The following RASGRF1 variants were observed in gnomAD, a reference collection of about 807,000 sequenced individuals.
The protein encoded by RASGRF1 is ras-specific guanine nucleotide-releasing factor 1.
RASGRF1 carries 40 observed loss-of-function variants against 138.7 expected under a neutral mutation model. The observed-to-expected ratio is 0.29, with a 90% confidence interval of 0.22 to 0.38. The LOEUF is 0.38. Ranked by LOEUF, RASGRF1 falls within the 10% of genes least tolerant of loss-of-function variation. The pLI is 1.00. For missense variants in RASGRF1, 1,108 were observed against 1,650.4 expected, an observed-to-expected ratio of 0.67 and a Z score of 5.69; for synonymous variants, 614 against 663.2, an observed-to-expected ratio of 0.93 and a Z score of 1.14.
At chr15:79,005,730 C>T (rs2056656649) in intron 14 of RASGRF1, 2 of 557,246 alleles carry the variant, frequency 3.6e-6, no homozygotes, top group African/African-American at 2.1e-5. Flanking sequence ...TCCCTCCCTC[C>T]CTCCCTCCCT....
At chr15:78,982,802 G>A (rs906829290) in intron 23 of RASGRF1, among the ~76,000 whole-genome samples, 3 of 152,056 alleles carry the variant, frequency 2.0e-5, no homozygotes, top group African/African-American at 7.2e-5. Context: ...AAAGTACAGC[G>A]ATCCCCAGGA....
rs963892190 is a variant in RASGRF1 at position 78,965,807 on chromosome 15, C to T, written c.3682-3571G>A. On this transcript the variant is annotated intron_variant, in intron 26 of 26. Coordinates refer to ENST00000558480, the MANE Select transcript of RASGRF1 (RefSeq NM_001145648.3). The stretch of plus-strand genomic sequence containing the variant: ...CAGAAGTTGCAGTGAGCCGAGATCG[C>T]GCCACTGCACTCCAGGCTGGGTGAC... 7.9e-5 allele frequency among the ~76,000 whole-genome samples: 12 copies of T among 152,164 alleles called. No individual in the cohort carries two copies. The South Asian group carries it at 1.0e-3, about 13-fold the overall frequency.
chr15:78,966,361 T>G (rs1430707624), intron 26 of RASGRF1, among the ~76,000 whole-genome samples: 1 of 151,480 alleles, frequency 6.6e-6, no homozygotes, highest in Non-Finnish European at 1.5e-5. Flanking sequence ...CTTAGCCTCC[T>G]GAGTAGCTGG....
At chr15:78,993,896 C>T (rs1394205042) in intron 20 of RASGRF1, among the ~76,000 whole-genome samples, 1 of 152,176 alleles carries the variant, frequency 6.6e-6, no homozygotes, top group African/African-American at 2.4e-5. Context: ...AAGCAGAGAT[C>T]AAAACTGACA....
chr15:79,029,350 T>C (rs1006278926), intron 8 of RASGRF1, among the ~76,000 whole-genome samples: 1 of 152,168 alleles, frequency 6.6e-6, no homozygotes, highest in Admixed American at 6.5e-5. Flanking sequence ...ACCACTTCTC[T>C]TGATGAGGGT....
chr15:79,032,156 C>T lies in RASGRF1; in HGVS notation c.1119G>A (p.Thr373=), dbSNP rs140636764. ...YEAKPDCEER[T]LETFLTYPMF... ...TGGGGTAGGTGAGGAAGGTCTCCAG[C>T]GTCCTCTCCTCGCAGTCAGGCTTGG... The change falls in exon 7 of 27, where the codon ACG becomes ACA. Residue 373 remains threonine (T), a synonymous_variant. Coordinates refer to ENST00000558480, the MANE Select transcript of RASGRF1 (RefSeq NM_001145648.3). The surrounding 1 kb of genome is among the most constrained non-coding windows in gnomAD (Gnocchi z 4.5). 25 of 1,613,882 alleles carry T rather than the reference C, an allele frequency of 1.5e-5. No individual in the cohort carries two copies. Among genetic ancestry groups the T allele is most frequent in the African/African-American group, 1.5e-4 (11 of 74,910 alleles).
chr15:79,057,122 T>C (rs1342524776), intron 3 of RASGRF1, among the ~76,000 whole-genome samples: 2 of 152,138 alleles, frequency 1.3e-5, no homozygotes, highest in Admixed American at 1.3e-4. Context: ...AGACTCACAG[T>C]CCACCATCAC....
At chr15:79,011,489 T>C (rs1472976844) in intron 13 of RASGRF1, among the ~76,000 whole-genome samples, 2 of 152,218 alleles carry the variant, frequency 1.3e-5, no homozygotes, top group African/African-American at 2.4e-5. Flanking sequence ...CAATATTTAT[T>C]AGGTCTTAAG....
At chr15:78,988,643 G>A (rs1350231316) in intron 22 of RASGRF1, among the ~76,000 whole-genome samples, 1 of 152,192 alleles carries the variant, frequency 6.6e-6, no homozygotes, top group Non-Finnish European at 1.5e-5. Context: ...CCTGGCCAAG[G>A]TGGTCAGGGC....
At chr15:78,968,507 T>G (rs1267093906) in intron 26 of RASGRF1, among the ~76,000 whole-genome samples, 5 of 152,048 alleles carry the variant, frequency 3.3e-5, no homozygotes, top group Non-Finnish European at 5.9e-5. Context: ...CACTTCAAAC[T>G]CCTAGGCTCA....
intron 19 of RASGRF1, among the ~76,000 whole-genome samples, chr15:78,996,721 GC>G (rs2056400834): frequency 1.2e-4 from 1 of 8,252 alleles, no homozygotes; most frequent in South Asian, 0.014. Context: ...ACGAGTGGCG[GC>G]TGTGTGTGTG....
At chr15:79,068,073 C>T (rs551846013) in intron 1 of RASGRF1, among the ~76,000 whole-genome samples, 2 of 152,268 alleles carry the variant, frequency 1.3e-5, no homozygotes, top group Admixed American at 6.5e-5. Flanking sequence ...CTGCTGTGTG[C>T]CTGTCACCCT....
At position 79,035,886 on chromosome 15, in the gene RASGRF1, A is replaced by C. The variant is rs143592797; in HGVS notation, c.879-676T>G. On this transcript the variant is annotated intron_variant, in intron 5 of 26. Coordinates refer to ENST00000558480, the MANE Select transcript of RASGRF1 (RefSeq NM_001145648.3). ...TGACCGCCCCCGCTGTTTGGAATCA[A>C]AGTCAGAGAAGCCAAAAGACCCAGA... Among the ~76,000 whole-genome samples the C allele has an allele frequency of 8.8e-3, 1,342 of 152,332 alleles. 9 individuals are homozygous for C. Among genetic ancestry groups the C allele is most frequent in the Middle Eastern group, 0.02 (6 of 294 alleles).
At chr15:79,016,339 G>A (rs1202581317) in intron 12 of RASGRF1, among the ~76,000 whole-genome samples, 2 of 152,230 alleles carry the variant, frequency 1.3e-5, no homozygotes, top group African/African-American at 4.8e-5. Flanking sequence ...CAAAGAGGGA[G>A]GCTTCTGTCA....
At chr15:79,054,680 G>A (rs1337970169) in intron 3 of RASGRF1, among the ~76,000 whole-genome samples, 1 of 152,200 alleles carries the variant, frequency 6.6e-6, no homozygotes, top group African/African-American at 2.4e-5. Context: ...AGAGTCTTCA[G>A]CAGAACTCTC....
chr15:79,000,849 T>C (rs980434700), intron 16 of RASGRF1, among the ~76,000 whole-genome samples: 7 of 152,244 alleles, frequency 4.6e-5, no homozygotes, highest in Admixed American at 2.0e-4. Flanking sequence ...AGTTTCTCTC[T>C]AAAGCTCGGT....
chr15:79,070,963 A>T (rs1461535118), intron 1 of RASGRF1, among the ~76,000 whole-genome samples: 2 of 152,220 alleles, frequency 1.3e-5, no homozygotes, highest in Non-Finnish European at 2.9e-5. Flanking sequence ...GCATAGGAGC[A>T]TGTCAAGGCT....
intron 1 of RASGRF1, among the ~76,000 whole-genome samples, chr15:79,082,003 G>C (rs2057920073): frequency 6.6e-6 from 1 of 152,186 alleles, no homozygotes; most frequent in South Asian, 2.1e-4. Context: ...TCCTGCCCCT[G>C]TAAGCTCTGA....
At chr15:79,004,619 C>T in intron 14 of RASGRF1, 1 of 986,862 alleles carries the variant, frequency 1.0e-6, no homozygotes, top group Non-Finnish European at 1.2e-6. Context: ...TCATCTGATG[C>T]CTCCTACTCT....
Sources: gnomAD v4.1 joint callset for allele counts (sites outside exome capture counted in the v4.1 genomes callset) on GRCh38, gnomAD v4.1.1 for gene constraint, Gnocchi (gnomAD v3.1) non-coding constraint, MANE v1.5 for transcripts, NCBI Gene and HGNC (gene_info 2026-07-23, HGNC 2026-07-21) for gene names.